PABPC4L: variants seen among roughly 807,000 people sequenced by gnomAD.
PABPC4L encodes poly(A) binding protein cytoplasmic 4 like.
For missense variants in PABPC4L, 452 were observed against 451.4 expected (o/e 1.00, Z -0.01); for synonymous variants, 169 against 164.1 (o/e 1.03, Z -0.23).
chr4:134,038,463 G>A, the PABPC4L span, among the ~76,000 whole-genome samples: 971 of 152,066 alleles, frequency 6.4e-3, 12 homozygotes, highest in African/African-American at 0.022. Flanking sequence ...GGACTTTTTT[G>A]GTTGGTAGGC....
At chr4:134,007,486 T>C in the PABPC4L span, among the ~76,000 whole-genome samples, 3 of 151,880 alleles carry the variant, frequency 2.0e-5, no homozygotes, top group African/African-American at 7.2e-5. Context: ...GCTTTACATA[T>C]ATTATCTCAT....
chr4:134,094,001 T>C, the PABPC4L span, among the ~76,000 whole-genome samples: 2 of 151,832 alleles, frequency 1.3e-5, no homozygotes, highest in Non-Finnish European at 2.9e-5. Flanking sequence ...ACTCTTTCCT[T>C]TCAACTTTCA....
the PABPC4L span, among the ~76,000 whole-genome samples, chr4:134,105,744 G>T: frequency 6.6e-6 from 1 of 151,588 alleles, no homozygotes; most frequent in East Asian, 1.9e-4. Flanking sequence ...AATATGCAAT[G>T]AATCAAAACT....
the PABPC4L span, among the ~76,000 whole-genome samples, chr4:134,174,232 T>A: frequency 2.0e-5 from 3 of 152,086 alleles, no homozygotes; most frequent in Non-Finnish European, 4.4e-5. Context: ...CCTATCATAA[T>A]GTCTACTTCT....
chr4:134,057,463 C>T, the PABPC4L span, among the ~76,000 whole-genome samples: 1 of 151,926 alleles, frequency 6.6e-6, no homozygotes, highest in Non-Finnish European at 1.5e-5. Flanking sequence ...TGACATCATC[C>T]CATTGGTGAG....
At chr4:133,954,100 T>C in the PABPC4L span, among the ~76,000 whole-genome samples, 3 of 152,240 alleles carry the variant, frequency 2.0e-5, no homozygotes, top group African/African-American at 7.2e-5. Flanking sequence ...ATTGTTCTAA[T>C]TCTTTCCTCA....
the PABPC4L span, among the ~76,000 whole-genome samples, chr4:134,050,653 C>T: frequency 2.9e-5 from 4 of 136,734 alleles, no homozygotes; most frequent in Middle Eastern, 3.9e-3. Context: ...TGCAGTGAGC[C>T]GAGATGATGC....
chr4:134,144,879 T>G, the PABPC4L span, among the ~76,000 whole-genome samples: 1 of 151,784 alleles, frequency 6.6e-6, no homozygotes, highest in African/African-American at 2.4e-5. Flanking sequence ...TAAAAATTCA[T>G]GCTGACTTCT....
chr4:134,110,072 C>T, the PABPC4L span, among the ~76,000 whole-genome samples: 3 of 151,878 alleles, frequency 2.0e-5, no homozygotes, highest in African/African-American at 7.3e-5. Flanking sequence ...TGCTTTTCTA[C>T]CTGAGGAAAA....
chr4:134,033,997 A>T, the PABPC4L span, among the ~76,000 whole-genome samples: 2 of 152,002 alleles, frequency 1.3e-5, no homozygotes, highest in African/African-American at 4.8e-5. Flanking sequence ...GCCATCTAGA[A>T]CTTTCATAGC....
the PABPC4L span, among the ~76,000 whole-genome samples, chr4:134,114,822 T>C: frequency 2.0e-5 from 3 of 151,942 alleles, no homozygotes; most frequent in Non-Finnish European, 4.4e-5. Flanking sequence ...GTTACACCAA[T>C]TAAAGTTAGA....
At chr4:134,095,161 A>G in the PABPC4L span, among the ~76,000 whole-genome samples, 1 of 151,732 alleles carries the variant, frequency 6.6e-6, no homozygotes, top group Non-Finnish European at 1.5e-5. Flanking sequence ...TCCTTTGCCT[A>G]ATTACTTTCT....
the PABPC4L span, among the ~76,000 whole-genome samples, chr4:133,961,021 G>A: frequency 3.3e-4 from 50 of 152,178 alleles, no homozygotes; most frequent in African/African-American, 1.1e-3. Context: ...GGGAGTTCTA[G>A]GGCCCCACCC....
chr4:134,108,836 T>C, the PABPC4L span, among the ~76,000 whole-genome samples: 6 of 151,904 alleles, frequency 3.9e-5, no homozygotes, highest in Non-Finnish European at 8.8e-5. Context: ...TGTACAAATA[T>C]AAAGACAGTA....
the PABPC4L span, among the ~76,000 whole-genome samples, chr4:134,043,471 G>T: frequency 6.6e-6 from 1 of 152,086 alleles, no homozygotes; most frequent in African/African-American, 2.4e-5. Context: ...ATACTATTAT[G>T]TTGGTGCAAA....
the PABPC4L span, among the ~76,000 whole-genome samples, chr4:134,147,705 T>G: frequency 6.6e-6 from 1 of 151,132 alleles, no homozygotes; most frequent in African/African-American, 2.4e-5. Flanking sequence ...CCTCTTTTGG[T>G]AGTCAATGTT....
chr4:134,173,108 A>T, the PABPC4L span, among the ~76,000 whole-genome samples: 1 of 142,980 alleles, frequency 7.0e-6, no homozygotes, highest in East Asian at 2.4e-4. Context: ...TACACTGGTG[A>T]TGAAAATTTA....
chr4:133,989,558 G>T, the PABPC4L span, among the ~76,000 whole-genome samples: 50 of 152,222 alleles, frequency 3.3e-4, 1 homozygote, highest in South Asian at 0.01. Context: ...CATTTAACAA[G>T]TCTCAAGAAA....
At chr4:133,975,070 A>C in the PABPC4L span, among the ~76,000 whole-genome samples, 207 of 152,290 alleles carry the variant, frequency 1.4e-3, 1 homozygote, top group African/African-American at 4.6e-3. Flanking sequence ...CATTATTCAC[A>C]ATTGCCAGAT....
Sources: allele counts gnomAD v4.1 joint callset (sites outside exome capture counted in the v4.1 genomes callset), GRCh38; gene constraint gnomAD v4.1.1; transcripts MANE v1.5; gene names NCBI Gene and HGNC (gene_info 2026-07-23, HGNC 2026-07-21).